PAK5: variants seen among roughly 807,000 people sequenced by gnomAD.
The protein encoded by PAK5 is p21 (RAC1) activated kinase 5, also known as serine/threonine-protein kinase PAK 5.
PAK5 carries 16 observed loss-of-function variants against 65.9 expected under a neutral mutation model. The observed-to-expected ratio is 0.24, with a 90% CI of 0.16 to 0.37. The LOEUF (loss-of-function observed/expected upper bound fraction) is 0.37, where lower values mean the gene tolerates loss of function less well. Among genes scored for constraint, PAK5 ranks in the 10% least tolerant of loss-of-function variants. The pLI is 1.00. For synonymous variants in PAK5, 371 were observed against 354.9 expected (o/e 1.05, Z -0.51); for missense variants, 785 against 903.9 (o/e 0.87, Z 1.69).
At chr20:9,598,743 C>T (rs543856092) in intron 3 of PAK5, among the ~76,000 whole-genome samples, 27 of 152,168 alleles carry the variant, frequency 1.8e-4, no homozygotes, top group African/African-American at 6.0e-4. Context: ...GCTTGTTGGC[C>T]GCATAAATGT....
At chr20:9,620,133 C>T (rs2046743098) in intron 3 of PAK5, among the ~76,000 whole-genome samples, 1 of 152,244 alleles carries the variant, frequency 6.6e-6, no homozygotes, top group African/African-American at 2.4e-5. Flanking sequence ...ATCAGCAACA[C>T]TGCCCTCCAC....
At chr20:9,569,576 T>C (rs988680725) in intron 4 of PAK5, among the ~76,000 whole-genome samples, 1 of 152,198 alleles carries the variant, frequency 6.6e-6, no homozygotes, top group Non-Finnish European at 1.5e-5. Context: ...GAAGGGCTAA[T>C]GAATCCTGTC....
At chr20:9,671,614 A>G (rs7352532) in intron 2 of PAK5, among the ~76,000 whole-genome samples, 13,742 of 138,296 alleles carry the variant, frequency 0.099, 1,042 homozygotes, top group South Asian at 0.25. Context: ...TGATTTTTGT[A>G]CATTGATTTT....
intron 2 of PAK5, among the ~76,000 whole-genome samples, chr20:9,698,900 A>G (rs1179430340): frequency 6.6e-6 from 1 of 152,224 alleles, no homozygotes. Context: ...AGATGTAACA[A>G]CTGGAAGTTA....
intron 1 of PAK5, among the ~76,000 whole-genome samples, chr20:9,717,736 C>T (rs1469563049): frequency 6.6e-6 from 1 of 152,196 alleles, no homozygotes; most frequent in East Asian, 1.9e-4. Flanking sequence ...TCTCCTACCT[C>T]AGCCTCCCGA....
At chr20:9,709,293 T>C (rs2048048698) in intron 2 of PAK5, among the ~76,000 whole-genome samples, 1 of 152,168 alleles carries the variant, frequency 6.6e-6, no homozygotes, top group African/African-American at 2.4e-5. Context: ...CACTGGTAGC[T>C]CTTTGCTTAT....
chr20:9,609,672 A>G (rs2046522312), intron 3 of PAK5, among the ~76,000 whole-genome samples: 1 of 152,214 alleles, frequency 6.6e-6, no homozygotes, highest in Non-Finnish European at 1.5e-5. Context: ...TGGCCATACT[A>G]TCCTGGAAGA....
intron 2 of PAK5, among the ~76,000 whole-genome samples, chr20:9,691,429 C>T (rs1030763789): frequency 6.6e-6 from 1 of 152,178 alleles, no homozygotes; most frequent in Admixed American, 6.5e-5. Context: ...AATCATAAGA[C>T]TCTACGGAAA....
chr20:9,815,187 A>C (rs1427873865), intron 1 of PAK5, among the ~76,000 whole-genome samples: 2 of 152,152 alleles, frequency 1.3e-5, no homozygotes, highest in Non-Finnish European at 2.9e-5. Context: ...CATGATCCAA[A>C]CACTTCCTAC....
intron 1 of PAK5, among the ~76,000 whole-genome samples, chr20:9,782,271 T>C (rs2048948630): frequency 3.9e-5 from 6 of 152,170 alleles, no homozygotes; most frequent in Admixed American, 3.9e-4. Context: ...TTAATAATGA[T>C]GCCCACCTGG....
intron 3 of PAK5, among the ~76,000 whole-genome samples, chr20:9,626,675 T>A (rs952089044): frequency 3.9e-5 from 6 of 152,258 alleles, no homozygotes; most frequent in Admixed American, 3.3e-4. Context: ...TGTTTCAGAA[T>A]GAAATATAAG....
intron 1 of PAK5, among the ~76,000 whole-genome samples, chr20:9,745,665 T>C (rs185769289): frequency 4.3e-4 from 66 of 152,248 alleles, no homozygotes; most frequent in African/African-American, 1.5e-3. Flanking sequence ...GAAAGGCAGG[T>C]TCTAGCTTTG....
intron 2 of PAK5, among the ~76,000 whole-genome samples, chr20:9,685,471 C>T (rs1202432993): frequency 6.6e-6 from 1 of 152,076 alleles, no homozygotes; most frequent in Admixed American, 6.6e-5. Flanking sequence ...GAAAGAGATC[C>T]ACAGGACAAG....
chr20:9,663,906 A>G (rs1343529187), intron 2 of PAK5, among the ~76,000 whole-genome samples: 1 of 152,220 alleles, frequency 6.6e-6, no homozygotes, highest in Admixed American at 6.5e-5. Flanking sequence ...CCATAGGCTC[A>G]TCAGTAGTGG....
At chr20:9,710,264 A>G (rs1054144866) in intron 2 of PAK5, among the ~76,000 whole-genome samples, 1 of 152,172 alleles carries the variant, frequency 6.6e-6, no homozygotes, top group Non-Finnish European at 1.5e-5. Context: ...CAAGTCTCCG[A>G]GTGTTACAAG....
Position 9,566,229 on chromosome 20 carries a change from C to T in PAK5, c.1146G>A (p.Leu382=), listed in dbSNP as rs2045676897. Residue 382 remains leucine (L), a synonymous_variant, in exon 5 of 10, where the codon TTG becomes TTA. Coordinates refer to ENST00000353224, the MANE Select transcript of PAK5 (RefSeq NM_177990.4). The stretch of plus-strand genomic sequence containing the variant: ...TGCTCTGCAGGGAGGGGTGATGGTA[C>T]AAGGTGGCTTTGTGGTACCCAGACG... ...QYPSGYHKAT[L]YHHPSLQSSS... is the part of the protein sequence containing the mutation. The T allele has an allele frequency of 1.2e-6, 2 of 1,613,700 alleles. No homozygotes were observed. Among genetic ancestry groups the T allele is most frequent in the Admixed American group, 3.3e-5 (2 of 59,996 alleles).
intron 1 of PAK5, among the ~76,000 whole-genome samples, chr20:9,790,494 A>G (rs530911556): frequency 8.0e-4 from 122 of 152,132 alleles, no homozygotes; most frequent in Non-Finnish European, 1.4e-3. Flanking sequence ...GCCAACTTAT[A>G]AAGAGTTGAA....
At chr20:9,577,864 G>T (rs11699313) in intron 4 of PAK5, among the ~76,000 whole-genome samples, 16,593 of 152,106 alleles carry the variant, frequency 0.11, 1,002 homozygotes, top group East Asian at 0.24. Context: ...GTTGTTGTTG[G>T]TGGTGGTGAG....
Position 9,583,052 on chromosome 20 carries a change from A to G in PAK5, c.205-2122T>C, listed in dbSNP as rs543541200. ...ATCAGGCATTTCTCCAAGGAACGCTAATAGTATTAGAAATTAAGATTTGGT... is the reference window on the plus strand; with the variant it reads ...ATCAGGCATTTCTCCAAGGAACGCTGATAGTATTAGAAATTAAGATTTGGT... On this transcript the variant is annotated intron_variant, in intron 3 of 9. Coordinates refer to ENST00000353224, the MANE Select transcript of PAK5 (RefSeq NM_177990.4). Among the ~76,000 whole-genome samples the G allele has an allele frequency of 2.2e-3, 339 of 152,252 alleles. 1 individual carries two copies. Among genetic ancestry groups the G allele is most frequent in the African/African-American group, 8.0e-3 (332 of 41,540 alleles).
Sources: allele counts gnomAD v4.1 joint callset (sites outside exome capture counted in the v4.1 genomes callset), GRCh38; gene constraint gnomAD v4.1.1; transcripts MANE v1.5; gene names NCBI Gene and HGNC (gene_info 2026-07-23, HGNC 2026-07-21).